RYR3: variants seen among roughly 807,000 people sequenced by gnomAD.
RYR3 encodes ryanodine receptor 3.
RYR3 carries 207 observed loss-of-function variants against 584.3 expected under a neutral mutation model. The ratio of observed to expected loss-of-function variants is 0.35; its 90% CI spans 0.32 to 0.40. The LOEUF (loss-of-function observed/expected upper bound fraction) is 0.40. Among genes scored for constraint, RYR3 ranks in the 10% least tolerant of loss-of-function variants. The probability of loss-of-function intolerance (pLI) is 1.00; values close to 1 mark genes in which losing one functional copy is unlikely to be tolerated. For synonymous variants in RYR3, 2,416 were observed against 2,248.5 expected, an observed-to-expected ratio of 1.07 and a Z score of -2.11; for missense variants, 5,616 against 6,089.2, an observed-to-expected ratio of 0.92 and a Z score of 2.59.
At chr15:33,521,922 A>T (rs1248216262) in intron 3 of RYR3, among the ~76,000 whole-genome samples, 1 of 152,048 alleles carries the variant, frequency 6.6e-6, no homozygotes, top group Non-Finnish European at 1.5e-5. Flanking sequence ...GTACTTTCAG[A>T]TGCTGTGCCT....
chr15:33,320,935 T>A (rs915015110), intron 1 of RYR3, among the ~76,000 whole-genome samples: 1 of 152,252 alleles, frequency 6.6e-6, no homozygotes, highest in African/African-American at 2.4e-5. Context: ...TCTTGATTCC[T>A]GGCATTCTGC....
chr15:33,397,584 C>T (rs1486557259), intron 1 of RYR3, among the ~76,000 whole-genome samples: 1 of 152,134 alleles, frequency 6.6e-6, no homozygotes, highest in Non-Finnish European at 1.5e-5. Context: ...ACAGGGGCAT[C>T]GTCTGTGATT....
intron 70 of RYR3, 47 bp downstream of exon 70, chr15:33,807,616 G>T (rs1164710463): frequency 1.3e-6 from 2 of 1,540,708 alleles, no homozygotes; most frequent in Admixed American, 2.0e-5. Context: ...AGTATTAGAG[G>T]TGCCGGGCTC....
rs570139673 is a variant in RYR3, at chr15:33,835,705, G to T, written c.11568+633G>T. ...ATCATGTGTATCTAAAATTTTCAAG[G>T]CTGTCACATCTGCCTCCTCTCTTCT... On this transcript the variant is annotated intron_variant, in intron 87 of 103. Transcript: ENST00000634891. Among the ~76,000 whole-genome samples the T allele has an allele frequency of 1.4e-4, 22 of 152,274 alleles. No homozygotes were observed. In the South Asian group the frequency reaches 4.2e-3, roughly 29 times the overall value.
intron 3 of RYR3, among the ~76,000 whole-genome samples, chr15:33,516,850 C>G (rs2053565175): frequency 6.6e-6 from 1 of 151,920 alleles, no homozygotes; most frequent in African/African-American, 2.4e-5. Flanking sequence ...AGCATTCTCT[C>G]CCAGATGGAG....
intron 59 of RYR3, 146 bp downstream of exon 59, chr15:33,756,519 C>A: frequency 1.4e-6 from 1 of 689,692 alleles, no homozygotes; most frequent in Non-Finnish European, 2.5e-6. Flanking sequence ...GTAACAGTCC[C>A]AAGGGAGGCT....
In RYR3 at chr15:33,533,302, C is replaced by T. The variant is rs2141074704; in HGVS notation, c.355-9C>T. ...TGTGACTTCACTAGTATTTGCTCTTCTTTCACAGTATCTAACATGCTTGAC... is the reference window on the plus strand; with the variant it reads ...TGTGACTTCACTAGTATTTGCTCTTTTTTCACAGTATCTAACATGCTTGAC... On this transcript the variant is annotated splice_polypyrimidine_tract_variant and intron_variant, in intron 4 of 103. Coordinates refer to ENST00000634891, the MANE Select transcript of RYR3 (RefSeq NM_001036.6). 2 of 1,590,118 alleles carry T rather than the reference C, an allele frequency of 1.3e-6. No individual in the cohort carries two copies. The highest frequency in any genetic ancestry group is 2.3e-5 in the East Asian group (1 of 44,332).
intron 18 of RYR3, among the ~76,000 whole-genome samples, chr15:33,606,947 C>T (rs1299314352): frequency 1.3e-5 from 2 of 152,118 alleles, no homozygotes; most frequent in South Asian, 2.1e-4. Context: ...CTACTGACTC[C>T]TCAAGATAAT....
intron 7 of RYR3, among the ~76,000 whole-genome samples, chr15:33,541,507 C>A (rs997260688): frequency 1.3e-5 from 2 of 152,124 alleles, no homozygotes; most frequent in Admixed American, 6.5e-5. Context: ...ACTGGCCTTA[C>A]CTCACTCATA....
chr15:33,460,608 T>C (rs1196451454), intron 1 of RYR3, among the ~76,000 whole-genome samples: 5 of 152,230 alleles, frequency 3.3e-5, no homozygotes, highest in Non-Finnish European at 1.5e-5. Context: ...CTGCATGGTG[T>C]GTAATGGGCA....
chr15:33,576,482 C>T lies in RYR3; in HGVS notation c.1269-3494C>T, dbSNP rs192547213. Among the ~76,000 whole-genome samples, 530 of 152,188 alleles carry T rather than the reference C, an allele frequency of 3.5e-3. 4 individuals carry two copies. Among genetic ancestry groups the T allele is most frequent in the Admixed American group, 0.012 (177 of 15,256 alleles). ...TTCAACATATGCAAATCAATAAACA[C>T]AATTCTTCACATAAACAGAACTAAA... On this transcript the variant is annotated intron_variant, in intron 12 of 103. Coordinates refer to ENST00000634891, the MANE Select transcript of RYR3 (RefSeq NM_001036.6).
Position 33,838,452 on chromosome 15 carries a change from A to G in RYR3, c.12472A>G (p.Lys4158Glu). ...GAAGAGGAATGTCACCGACTTCCTG[A>G]AGAGAGCAACCCTGAAGAACCTCAG... ...SVKRNVTDFL[K>E]RATLKNLRKQ... The change falls in exon 89 of 104, where the codon AAG becomes GAG. Residue 4158 changes from lysine (K) to glutamate (E), a missense_variant. Physicochemically the swap from Lys to Glu is moderately conservative, Grantham distance 56. This residue lies in a region of RYR3 where 918 missense variants were observed against 887.4 expected (regional missense o/e 1.03). Coordinates refer to ENST00000634891, the MANE Select transcript of RYR3 (RefSeq NM_001036.6). 6 of 1,614,010 alleles carry G rather than the reference A, an allele frequency of 3.7e-6. No individual in the cohort carries two copies. Among genetic ancestry groups the G allele is most frequent in the Non-Finnish European group, 5.1e-6 (6 of 1,179,886 alleles).
rs983636907 is a variant in RYR3, at chr15:33,374,649, G to T, written c.51+63553G>T. 2.0e-5 allele frequency among the ~76,000 whole-genome samples: 3 copies of T among 152,004 alleles called. No individual in the cohort carries two copies. In the East Asian group the frequency reaches 5.8e-4, roughly 29 times the overall value. On this transcript the variant is annotated intron_variant, in intron 1 of 103. Transcript: ENST00000634891. ...GGAAGCCTGAATTTAATCTCATTGGGGTTTAAAAAAATGACAACACATTTG... is the reference window on the plus strand; with the variant it reads ...GGAAGCCTGAATTTAATCTCATTGGTGTTTAAAAAAATGACAACACATTTG...
At chr15:33,820,624 C>T (rs1036005) in intron 77 of RYR3, 132 bp from the exon 78 acceptor site, 468,340 of 701,834 alleles carry the variant, frequency 0.67, 158,262 homozygotes, top group African/African-American at 0.81. Context: ...ATGTTCCTGG[C>T]TTTACACAAC....
At chr15:33,474,698 A>C (rs1385899748) in intron 2 of RYR3, among the ~76,000 whole-genome samples, 1 of 152,228 alleles carries the variant, frequency 6.6e-6, no homozygotes, top group Admixed American at 6.5e-5. Context: ...TTTTTAAAAA[A>C]ACCGAAAACA....
intron 10 of RYR3, among the ~76,000 whole-genome samples, chr15:33,554,102 C>A (rs548929701): frequency 6.6e-6 from 1 of 152,214 alleles, no homozygotes; most frequent in African/African-American, 2.4e-5. Flanking sequence ...CCTGCTCATG[C>A]ATTATTAAGG....
intron 67 of RYR3, among the ~76,000 whole-genome samples, chr15:33,791,400 A>G (rs2075148857): frequency 6.6e-6 from 1 of 152,090 alleles, no homozygotes; most frequent in Non-Finnish European, 1.5e-5. Context: ...ATTCGGAGAG[A>G]GAGAGGGAGA....
chr15:33,678,796 T>C (rs919655459), intron 38 of RYR3, among the ~76,000 whole-genome samples: 1 of 152,212 alleles, frequency 6.6e-6, no homozygotes, highest in Non-Finnish European at 1.5e-5. Context: ...TAACATGCTG[T>C]AAACAGAGCA....
intron 7 of RYR3, among the ~76,000 whole-genome samples, chr15:33,542,823 G>A (rs1298713462): frequency 2.6e-5 from 4 of 152,064 alleles, no homozygotes; most frequent in Non-Finnish European, 5.9e-5. Flanking sequence ...TAATTCAGAG[G>A]AATAACAAAT....
Sources: gnomAD v4.1 joint callset for allele counts (sites outside exome capture counted in the v4.1 genomes callset) on GRCh38, gnomAD v4.1.1 for gene constraint, gnomAD v4.1.1 regional missense constraint, MANE v1.5 for transcripts, NCBI Gene and HGNC (gene_info 2026-07-23, HGNC 2026-07-21) for gene names.